USP25: variants seen among roughly 807,000 people sequenced by gnomAD.
USP25 encodes the protein ubiquitin carboxyl-terminal hydrolase 25.
A neutral mutation model predicts 158.5 loss-of-function variants in USP25; 85 were observed. The ratio of observed to expected loss-of-function variants is 0.54; its 90% CI spans 0.45 to 0.64. The LOEUF is 0.64. Ranked by LOEUF, USP25 falls within the 30% of genes least tolerant of loss-of-function variation. The pLI is 0.00. For missense variants in USP25, 1,242 were observed against 1,327.3 expected (o/e 0.94, Z 1.00); for synonymous variants, 464 against 460.4 (o/e 1.01, Z -0.10).
At chr21:15,767,834 GGAAA>G (rs1419316067) in intron 3 of USP25, among the ~76,000 whole-genome samples, 26 of 151,974 alleles carry the variant, frequency 1.7e-4, no homozygotes, top group African/African-American at 6.3e-4. Flanking sequence ...ATAGAAAAGG[GGAAA>G]ATTAGGATTA....
chr21:15,817,003 G>A (rs983280963), intron 9 of USP25, among the ~76,000 whole-genome samples: 22 of 151,774 alleles, frequency 1.4e-4, no homozygotes, highest in Admixed American at 1.4e-3. Context: ...GTGGTGGTGG[G>A]CGCCTGTAAT....
chr21:15,820,305 C>T lies in USP25; in HGVS notation c.1080+1459C>T, dbSNP rs142322640. 2.5e-3 allele frequency among the ~76,000 whole-genome samples: 373 copies of T among 151,908 alleles called. 4 individuals are homozygous for T. Among genetic ancestry groups the T allele is most frequent in the Non-Finnish European group, 4.6e-3 (314 of 67,850 alleles). On this transcript the variant is annotated intron_variant, in intron 10 of 25. Coordinates refer to ENST00000400183, the MANE Select transcript of USP25 (RefSeq NM_001283041.3). ...TATTGGTAATCTTTCTCACATATTC[C>T]CAGCTTTTAAAAATTTTTATTGTAC...
chr21:15,770,560 T>A (rs971646859), intron 3 of USP25, among the ~76,000 whole-genome samples: 8 of 152,204 alleles, frequency 5.3e-5, no homozygotes, highest in Non-Finnish European at 1.2e-4. Context: ...TACTACTTAC[T>A]CATTTTCCTT....
chr21:15,736,317 TAAAC>T (rs925998209), intron 1 of USP25, among the ~76,000 whole-genome samples: 1 of 152,114 alleles, frequency 6.6e-6, no homozygotes, highest in Non-Finnish European at 1.5e-5. Flanking sequence ...AGGCTGGTCT[TAAAC>T]TCCTGACCCC....
At chr21:15,813,347 T>C (rs1357922095) in intron 9 of USP25, among the ~76,000 whole-genome samples, 1 of 152,210 alleles carries the variant, frequency 6.6e-6, no homozygotes, top group Admixed American at 6.5e-5. Flanking sequence ...TGAAACTTAA[T>C]CACAGGTTTT....
intron 4 of USP25, among the ~76,000 whole-genome samples, chr21:15,781,741 G>A (rs1466948592): frequency 1.3e-5 from 2 of 152,072 alleles, no homozygotes; most frequent in South Asian, 2.1e-4. Flanking sequence ...GAAGGTAAGC[G>A]GAGAATCATC....
intron 3 of USP25, among the ~76,000 whole-genome samples, chr21:15,775,157 A>C (rs772185186): frequency 1.3e-5 from 2 of 152,184 alleles, no homozygotes; most frequent in East Asian, 1.9e-4. Context: ...TTTATAAAAT[A>C]TATTTGGGGA....
chr21:15,819,900 G>T (rs1369263576), intron 10 of USP25, among the ~76,000 whole-genome samples: 1 of 151,438 alleles, frequency 6.6e-6, no homozygotes, highest in East Asian at 1.9e-4. Flanking sequence ...TGCTTTTCCT[G>T]TTAAGAGGAA....
In USP25 at chr21:15,799,844, G is replaced by A; in HGVS notation, c.642+1G>A. 6.3e-7 allele frequency: 1 copy of A among 1,598,686 alleles called. No individual in the cohort carries two copies. Among genetic ancestry groups the A allele is most frequent in the Non-Finnish European group, 8.5e-7 (1 of 1,171,216 alleles). On this transcript the variant is annotated splice_donor_variant, in intron 6 of 25. Transcript: ENST00000400183. LOFTEE classifies it high-confidence loss of function. ...TCAAGATTTACCCCGAAACCAAAAG[G>A]TAAAATTCAAAAGATTTTTTTAAGC...
rs976661677 is a variant in USP25 at position 15,782,144 on chromosome 21, G to T, written c.392+4117G>T. On this transcript the variant is annotated intron_variant, in intron 4 of 25. Coordinates refer to ENST00000400183, the MANE Select transcript of USP25 (RefSeq NM_001283041.3). ...ATTACCCAGGGAAGCAGGTGGGCCT[G>T]CATGGCCGGGCAGCCCCATGCGGCC... Among the ~76,000 whole-genome samples the T allele has an allele frequency of 2.6e-5, 4 of 152,228 alleles. No individual in the cohort carries two copies. The East Asian group carries it at 7.7e-4, about 29-fold the overall frequency.
Position 15,875,178 on chromosome 21 carries a change from C to CA in USP25, c.3009+659dup, listed in dbSNP as rs1223815104. 1.3e-5 allele frequency among the ~76,000 whole-genome samples: 2 copies of CA among 151,492 alleles called. No individual in the cohort carries two copies. The highest frequency in any genetic ancestry group is 2.9e-5 in the Non-Finnish European group (2 of 67,880). Reference sequence around the variant, plus strand: ...CAGGTGACAGAGCAAGACTCTGTCTCAAAAAAACAAGAATATACATAGAAT... The same window carrying CA: ...CAGGTGACAGAGCAAGACTCTGTCTCAAAAAAAACAAGAATATACATAGAAT... On this transcript the variant is annotated intron_variant, in intron 24 of 25. Transcript: ENST00000400183. This position sits in a 1 kb window ranked among gnomAD's most constrained non-coding sequence, Gnocchi z 4.7.
At chr21:15,878,217 G>GA in intron 25 of USP25, 86 bp from the exon 26 acceptor site, 1 of 1,496,616 alleles carries the variant, frequency 6.7e-7, no homozygotes, top group Non-Finnish European at 9.0e-7. Flanking sequence ...TTACCTATTA[G>GA]AGTAAGTTAA....
At chr21:15,856,025 AT>A (rs981950575) in intron 20 of USP25, among the ~76,000 whole-genome samples, 9 of 152,028 alleles carry the variant, frequency 5.9e-5, no homozygotes, top group African/African-American at 2.2e-4. Context: ...TATGACTATA[AT>A]TTTTTTCTAT....
intron 3 of USP25, among the ~76,000 whole-genome samples, chr21:15,769,327 A>G (rs1415435558): frequency 1.3e-5 from 2 of 152,082 alleles, no homozygotes; most frequent in African/African-American, 4.8e-5. Flanking sequence ...TGCTCTGCAT[A>G]AAAAAGAATT....
intron 6 of USP25, among the ~76,000 whole-genome samples, chr21:15,803,863 T>A (rs548677047): frequency 6.6e-6 from 1 of 151,964 alleles, no homozygotes; most frequent in Non-Finnish European, 1.5e-5. Flanking sequence ...TTGGAATCTA[T>A]TCTAGAAGCA....
At chr21:15,794,953 A>G (rs1321825469) in intron 5 of USP25, among the ~76,000 whole-genome samples, 4 of 151,596 alleles carry the variant, frequency 2.6e-5, no homozygotes, top group Non-Finnish European at 5.9e-5. Flanking sequence ...GCATATTGTC[A>G]GAACATTTCA....
In USP25 at chr21:15,833,446, A is replaced by G; in HGVS notation, c.2092A>G (p.Lys698Glu). The G allele has an allele frequency of 1.2e-6, 2 of 1,614,132 alleles. No homozygotes were observed. The highest frequency in any genetic ancestry group is 1.1e-5 in the South Asian group (1 of 91,082). The change falls in exon 17 of 26, where the codon AAA (lysine) becomes GAA (glutamate). Residue 698 changes from lysine (K) to glutamate (E), a missense_variant. Around this residue, in one of 3 missense-constraint regions of USP25, gnomAD observed 608 missense variants for 605.2 expected, o/e 1.00. Coordinates refer to ENST00000400183, the MANE Select transcript of USP25 (RefSeq NM_001283041.3). ...FVEEDNQRFEKELEEWDAQLA... is the reference protein window; with the variant it reads ...FVEEDNQRFEEELEEWDAQLA... ...TGAGGAAGACAACCAACGATTTGAA[A>G]AAGAACTAGAAGAATGGGATGCACA...
intron 3 of USP25, among the ~76,000 whole-genome samples, chr21:15,774,244 A>G (rs1489533964): frequency 1.3e-5 from 2 of 152,210 alleles, no homozygotes; most frequent in Non-Finnish European, 2.9e-5. Flanking sequence ...TTACCCATGC[A>G]TGAGTTTGTA....
chr21:15,870,693 T>C (rs1444322382), intron 23 of USP25, among the ~76,000 whole-genome samples: 2 of 152,240 alleles, frequency 1.3e-5, no homozygotes, highest in East Asian at 3.8e-4. Context: ...CACATATTTC[T>C]TAATGCGTGT....
Sources: allele counts gnomAD v4.1 joint callset (sites outside exome capture counted in the v4.1 genomes callset), GRCh38; gene constraint gnomAD v4.1.1; regional missense constraint gnomAD v4.1.1; non-coding constraint Gnocchi (gnomAD v3.1); transcripts MANE v1.5; gene names NCBI Gene and HGNC (gene_info 2026-07-23, HGNC 2026-07-21).